DGKI: variants seen among roughly 807,000 people sequenced by gnomAD.
The protein encoded by DGKI is diacylglycerol kinase iota.
Under a neutral mutation model 147.5 loss-of-function variants are expected in DGKI, and 55 were observed. The ratio of observed to expected loss-of-function variants is 0.37; its 90% CI spans 0.30 to 0.47. DGKI has a LOEUF of 0.47. DGKI is among the 20% of genes least tolerant of loss of function. DGKI has a pLI of 1.00. For synonymous variants in DGKI, 469 were observed against 477.1 expected (o/e 0.98, Z 0.22); for missense variants, 1,007 against 1,323.8 (o/e 0.76, Z 3.71).
At chr7:137,625,427 C>CAA (rs1820900277) in intron 6 of DGKI, among the ~76,000 whole-genome samples, 1 of 151,566 alleles carries the variant, frequency 6.6e-6, no homozygotes, top group Non-Finnish European at 1.5e-5. Flanking sequence ...GCTACTGCCC[C>CAA]CTAGCCTGAG....
intron 28 of DGKI, among the ~76,000 whole-genome samples, chr7:137,422,979 A>G (rs1812639773): frequency 6.6e-6 from 1 of 152,138 alleles, no homozygotes; most frequent in Non-Finnish European, 1.5e-5. Flanking sequence ...TTAACATTTG[A>G]ATGAAATAAT....
intron 28 of DGKI, among the ~76,000 whole-genome samples, chr7:137,441,104 CTA>C (rs1252808986): frequency 1.3e-5 from 2 of 152,058 alleles, no homozygotes; most frequent in African/African-American, 2.4e-5. Flanking sequence ...GCGAATAATA[CTA>C]TGTTTGGGGT....
chr7:137,619,441 G>C (rs1820664303), intron 8 of DGKI, among the ~76,000 whole-genome samples: 1 of 152,220 alleles, frequency 6.6e-6, no homozygotes, highest in Non-Finnish European at 1.5e-5. Flanking sequence ...AGCCTGAACA[G>C]TTTGCCCTCA....
At chr7:137,605,380 A>AAAAT (rs1563108336) in intron 10 of DGKI, among the ~76,000 whole-genome samples, 1,458 of 128,748 alleles carry the variant, frequency 0.011, 22 homozygotes, top group African/African-American at 0.043. Flanking sequence ...TAAAATAAAA[A>AAAAT]AAGTTGAAAT....
intron 21 of DGKI, among the ~76,000 whole-genome samples, chr7:137,521,295 G>A (rs1364950873): frequency 6.6e-6 from 1 of 152,072 alleles, no homozygotes; most frequent in Non-Finnish European, 1.5e-5. Context: ...GAAGCATACA[G>A]AAAATACAAA....
chr7:137,398,755 T>C (rs1811644159), intron 30 of DGKI, among the ~76,000 whole-genome samples: 1 of 151,832 alleles, frequency 6.6e-6, no homozygotes, highest in Non-Finnish European at 1.5e-5. Flanking sequence ...GAATCTTCTC[T>C]TGCAAAGTCT....
At position 137,656,502 on chromosome 7, in the gene DGKI, G is replaced by T; in HGVS notation, c.645C>A (p.Ile215=). ...ALRRKCAVCK[I]VVHTACIEQL... ...GCTCAATGCAGGCGGTGTGGACGAC[G>T]ATTTTACAGACTGCACACTTCCTCC... The change falls in exon 4 of 33, where the codon ATC becomes ATA. Residue 215 remains isoleucine (I), a synonymous_variant. Coordinates refer to ENST00000614521, the MANE Select transcript of DGKI (RefSeq NM_001321708.2). The T allele has an allele frequency of 6.2e-7, 1 of 1,614,046 alleles. No homozygotes were observed. The highest frequency in any genetic ancestry group is 8.5e-7 in the Non-Finnish European group (1 of 1,179,998).
chr7:137,460,831 A>G (rs2128924320), intron 27 of DGKI, among the ~76,000 whole-genome samples: 1 of 152,364 alleles, frequency 6.6e-6, no homozygotes, highest in East Asian at 1.9e-4. Context: ...TAATGCAAAT[A>G]TAGAAAAACA....
chr7:137,422,588 T>A (rs1030136539), intron 28 of DGKI, among the ~76,000 whole-genome samples: 2 of 137,534 alleles, frequency 1.5e-5, no homozygotes, highest in African/African-American at 5.3e-5. Flanking sequence ...CATTTTCTTT[T>A]TCTTTTCTTT....
intron 20 of DGKI, among the ~76,000 whole-genome samples, chr7:137,527,418 C>T (rs1209009958): frequency 1.3e-5 from 2 of 152,108 alleles, no homozygotes; most frequent in African/African-American, 4.8e-5. Context: ...AGTAGGGATA[C>T]AAGATTCAGT....
At chr7:137,623,362 T>C (rs990480462) in intron 7 of DGKI, 121 bp downstream of exon 7, 15 of 903,048 alleles carry the variant, frequency 1.7e-5, no homozygotes, top group Non-Finnish European at 2.5e-5. Flanking sequence ...GGATCCTATA[T>C]GAGAAAAGCA....
At chr7:137,767,745 A>C (rs921147030) in intron 1 of DGKI, among the ~76,000 whole-genome samples, 2 of 152,218 alleles carry the variant, frequency 1.3e-5, no homozygotes, top group African/African-American at 4.8e-5. Context: ...TACTACCTAC[A>C]TGACTTTGGA....
At chr7:137,755,311 G>A (rs61583151) in intron 1 of DGKI, among the ~76,000 whole-genome samples, 2,184 of 152,232 alleles carry the variant, frequency 0.014, 45 homozygotes, top group African/African-American at 0.05. Context: ...CCCACCAAAC[G>A]AGGGGGCCAA....
intron 1 of DGKI, among the ~76,000 whole-genome samples, chr7:137,707,959 A>C (rs897139406): frequency 6.6e-6 from 1 of 152,136 alleles, no homozygotes; most frequent in African/African-American, 2.4e-5. Context: ...AATCTCCCCA[A>C]ATTGTGAGGA....
intron 21 of DGKI, among the ~76,000 whole-genome samples, chr7:137,519,322 C>T (rs547398999): frequency 4.6e-5 from 7 of 152,114 alleles, no homozygotes; most frequent in South Asian, 2.1e-4. Flanking sequence ...GACAAACATG[C>T]GAGCTTGTTA....
chr7:137,432,132 A>G (rs1181416099), intron 28 of DGKI, among the ~76,000 whole-genome samples: 2 of 152,134 alleles, frequency 1.3e-5, no homozygotes, highest in South Asian at 2.1e-4. Context: ...GCCTTCTGCC[A>G]TGATTGTAAG....
intron 21 of DGKI, among the ~76,000 whole-genome samples, chr7:137,497,971 T>C (rs756092941): frequency 2.0e-5 from 3 of 151,934 alleles, no homozygotes; most frequent in Non-Finnish European, 4.4e-5. Flanking sequence ...TTTTTAAAAA[T>C]AGAAAATGAA....
intron 23 of DGKI, among the ~76,000 whole-genome samples, chr7:137,478,991 A>C (rs1471489312): frequency 6.6e-6 from 1 of 152,202 alleles, no homozygotes; most frequent in Non-Finnish European, 1.5e-5. Flanking sequence ...ATGCAGCTAT[A>C]TTTCCCTGAG....
At chr7:137,714,741 T>C (rs559075178) in intron 1 of DGKI, among the ~76,000 whole-genome samples, 44 of 152,308 alleles carry the variant, frequency 2.9e-4, no homozygotes, top group South Asian at 2.1e-3. Context: ...AATTACTCCT[T>C]GCTTAGAAAC....
Sources: allele counts gnomAD v4.1 joint callset (sites outside exome capture counted in the v4.1 genomes callset), GRCh38; gene constraint gnomAD v4.1.1; transcripts MANE v1.5; gene names NCBI Gene and HGNC (gene_info 2026-07-23, HGNC 2026-07-21).